Variants in WDR33 observed in about 807,000 individuals in gnomAD.
The protein encoded by WDR33 is WD repeat domain 33.
Under a neutral mutation model 164.9 loss-of-function variants are expected in WDR33, and 47 were observed. The observed-to-expected ratio is 0.29, with a 90% CI of 0.23 to 0.36. The LOEUF (loss-of-function observed/expected upper bound fraction) is 0.36. Among genes scored for constraint, WDR33 ranks in the 10% least tolerant of loss-of-function variants. The probability of loss-of-function intolerance (pLI) is 1.00; values close to 1 mark genes in which losing one functional copy is unlikely to be tolerated. For synonymous variants in WDR33, 505 were observed against 589.0 expected, an observed-to-expected ratio of 0.86 and a Z score of 2.06; for missense variants, 1,137 against 1,754.1, an observed-to-expected ratio of 0.65 and a Z score of 6.28.
intron 18 of WDR33, among the ~76,000 whole-genome samples, chr2:127,711,061 C>T (rs548483993): frequency 3.9e-4 from 60 of 152,340 alleles, no homozygotes; most frequent in Admixed American, 3.7e-3. Context: ...TATATAATCA[C>T]AATACCTTTA....
Position 127,735,735 on chromosome 2 carries a change from T to G in WDR33, c.725-8958A>C. ...CAGATACTCCAGTTGGACAGAGGAT[T>G]TAAGATTTTAAAAAATTAAGAAGCA... On this transcript the variant is annotated intron_variant, in intron 7 of 21. Coordinates refer to ENST00000322313, the MANE Select transcript of WDR33 (RefSeq NM_018383.5). This position sits in a 1 kb window ranked among gnomAD's most constrained non-coding sequence, Gnocchi z 4.3. 1 of 985,492 alleles carries G rather than the reference T, an allele frequency of 1.0e-6. No individual in the cohort carries two copies. The allele number at this position is 985,492 out of a possible 1,614,324, so 61.0% of individuals were successfully genotyped here.
chr2:127,719,400 A>C lies in WDR33; in HGVS notation c.2625T>G (p.Gly875=). 1.3e-6 allele frequency: 2 copies of C among 1,528,588 alleles called. No homozygotes were observed. The highest frequency in any genetic ancestry group is 1.8e-6 in the Non-Finnish European group (2 of 1,140,874). 94.7% of individuals were successfully genotyped at this position (1,528,588 alleles called of 1,614,324 possible). The part of the protein sequence containing the change: ...PQGSLGPPPQ[G]GMQGPPGPQG... The stretch of plus-strand genomic sequence containing the variant: ...GAGGTCCGGGGGGTCCTTGCATGCC[A>C]CCCTGGGGTGGAGGTCCTAAAGAGC... The change falls in exon 16 of 22, where the codon GGT becomes GGG. Residue 875 remains glycine, a synonymous_variant. Coordinates refer to ENST00000322313, the MANE Select transcript of WDR33 (RefSeq NM_018383.5). This position sits in a 1 kb window ranked among gnomAD's most constrained non-coding sequence, Gnocchi z 6.5.
intron 7 of WDR33, among the ~76,000 whole-genome samples, chr2:127,760,715 T>C (rs1178204460): frequency 2.0e-5 from 3 of 152,230 alleles, no homozygotes; most frequent in African/African-American, 7.2e-5. Flanking sequence ...AATATATTCA[T>C]GTCTCATATA....
chr2:127,756,450 A>G (rs1210039090), intron 7 of WDR33, among the ~76,000 whole-genome samples: 1 of 152,044 alleles, frequency 6.6e-6, no homozygotes, highest in African/African-American at 2.4e-5. Context: ...ATTATACCAC[A>G]TTTTAATCAT....
rs1686452450 is a variant in WDR33 at position 127,721,993 on chromosome 2, G to C, written c.1519-5C>G. 1.2e-6 allele frequency: 2 copies of C among 1,608,954 alleles called. No homozygotes were observed. The highest frequency in any genetic ancestry group is 4.5e-5 in the East Asian group (2 of 44,806). On this transcript the variant is annotated splice_region_variant and splice_polypyrimidine_tract_variant and intron_variant, in intron 14 of 21. Coordinates refer to ENST00000322313, the MANE Select transcript of WDR33 (RefSeq NM_018383.5). The surrounding 1 kb of genome is among the most constrained non-coding windows in gnomAD (Gnocchi z 4.9). The stretch of plus-strand genomic sequence containing the variant: ...AACTTTATTTTGCATCCAAGCCTTG[G>C]GAAAGAAGAGAATATTAAAATGTAC...
chr2:127,740,362 C>T (rs1389840206), intron 7 of WDR33, among the ~76,000 whole-genome samples: 1 of 151,492 alleles, frequency 6.6e-6, no homozygotes, highest in Non-Finnish European at 1.5e-5. Context: ...CACACACACA[C>T]ACACACACAC....
intron 7 of WDR33, among the ~76,000 whole-genome samples, chr2:127,730,493 G>A (rs560333494): frequency 6.6e-6 from 1 of 151,808 alleles, no homozygotes; most frequent in African/African-American, 2.4e-5. Flanking sequence ...GTAAAAGATG[G>A]CACTTAAAGT....
chr2:127,794,425 G>A (rs570593122), intron 1 of WDR33, among the ~76,000 whole-genome samples: 4 of 151,426 alleles, frequency 2.6e-5, no homozygotes, highest in Non-Finnish European at 4.4e-5. Context: ...ACTTGAACTT[G>A]GGGGGGCAGA....
rs1375261650 is a variant in WDR33 at position 127,711,778 on chromosome 2, A to ATT, written c.3308+1804_3308+1805insAA. ...TATATATATATATATATATATATAT[A>ATT]TATTTTTTTTTTGAGACAGAGTCTC... On this transcript the variant is annotated intron_variant, in intron 18 of 21. Coordinates refer to ENST00000322313, the MANE Select transcript of WDR33 (RefSeq NM_018383.5). Among the ~76,000 whole-genome samples, 27 of 93,036 alleles carry ATT rather than the reference A, an allele frequency of 2.9e-4. 1 individual carries two copies. The highest frequency in any genetic ancestry group is 8.7e-4 in the Admixed American group (8 of 9,168). 61.0% of individuals were successfully genotyped at this position (93,036 alleles called of 152,430 possible). A position where few individuals can be genotyped will look rare whatever the true frequency, so the allele number is the denominator to read the frequency against.
Position 127,737,537 on chromosome 2 carries a change from T to C in WDR33, c.725-10760A>G, listed in dbSNP as rs571370112. 7.3e-5 allele frequency: 72 copies of C among 986,488 alleles called. No homozygotes were observed. The African/African-American group carries it at 7.8e-4, about 11-fold the overall frequency. The allele number at this position is 986,488 out of a possible 1,614,324, so 61.1% of individuals were successfully genotyped here. ...AGAAAAAGAAAAGACATTCAAAAGA[T>C]TGATGGGAGTCTGGCACTAAATACC... On this transcript the variant is annotated intron_variant, in intron 7 of 21. Transcript: ENST00000322313.
intron 7 of WDR33, among the ~76,000 whole-genome samples, chr2:127,752,758 A>G (rs1286504561): frequency 6.6e-6 from 1 of 152,248 alleles, no homozygotes; most frequent in African/African-American, 2.4e-5. Context: ...TAAGATAACT[A>G]GGAAAATGTT....
intron 18 of WDR33, among the ~76,000 whole-genome samples, chr2:127,711,780 A>ATATATATATTTTTTTTTTTT: frequency 1.1e-5 from 1 of 88,320 alleles, no homozygotes; most frequent in African/African-American, 6.5e-5. Flanking sequence ...ATATATATAT[A>ATATATATATTTTTTTTTTTT]TTTTTTTTTT....
chr2:127,793,332 A>G (rs1039443947), intron 1 of WDR33, among the ~76,000 whole-genome samples: 41 of 151,124 alleles, frequency 2.7e-4, no homozygotes, highest in Admixed American at 2.4e-3. Context: ...TCGGGAGGCT[A>G]AGGCAGGAGA....
chr2:127,749,497 A>C (rs1687255586), intron 7 of WDR33, among the ~76,000 whole-genome samples: 1 of 151,918 alleles, frequency 6.6e-6, no homozygotes, highest in African/African-American at 2.4e-5. Flanking sequence ...CCCCGTCTCT[A>C]CTAAAAATAC....
At position 127,724,452 on chromosome 2, in the gene WDR33, G is replaced by A; in HGVS notation, c.1086-9C>T. On this transcript the variant is annotated splice_polypyrimidine_tract_variant and intron_variant, in intron 10 of 21. Transcript: ENST00000322313. This position sits in a 1 kb window ranked among gnomAD's most constrained non-coding sequence, Gnocchi z 4.8. ...CCACTTCCTTCTCTACCCTGCAACA[G>A]CACCAAAGAGAGAAGATTTGTTCAC... 6.2e-7 allele frequency: 1 copy of A among 1,609,118 alleles called. No individual in the cohort carries two copies. Among genetic ancestry groups the A allele is most frequent in the Non-Finnish European group, 8.5e-7 (1 of 1,176,214 alleles).
intron 1 of WDR33, among the ~76,000 whole-genome samples, chr2:127,799,438 A>G (rs1253275396): frequency 2.0e-5 from 3 of 152,176 alleles, no homozygotes; most frequent in Non-Finnish European, 4.4e-5. Context: ...TTAAAACTCA[A>G]TAATAACAAG....
Position 127,725,112 on chromosome 2 carries a change from T to G in WDR33, c.955A>C (p.Asn319His). The change falls in exon 9 of 22, where the codon AAC becomes CAC. Residue 319 changes from asparagine (N) to histidine (H), a missense_variant. By Grantham distance (68) the Asn-to-His change is moderately conservative. Transcript: ENST00000322313. The stretch of plus-strand genomic sequence containing the variant: ...AAGACTTGAAGCTCTTCTTTTAGGT[T>G]TCTGATATCAAAAAGTTTACAGAGA... ...DHLCKLFDIR[N>H]LKEELQVFRG... 1 of 1,613,764 alleles carries G rather than the reference T, an allele frequency of 6.2e-7. No homozygotes were observed. The highest frequency in any genetic ancestry group is 1.1e-5 in the South Asian group (1 of 90,876).
chr2:127,762,768 C>T (rs1479046977), intron 7 of WDR33: 1 of 1,140,512 alleles, frequency 8.8e-7, no homozygotes, highest in Non-Finnish European at 1.1e-6. Flanking sequence ...ACCCTGGCTA[C>T]AAGGAAGGAA....
Position 127,763,087 on chromosome 2 carries a change from A to T in WDR33, c.699T>A (p.Arg233=). ...CTCGGAGAATTCTTTCCTCATGGCA[A>T]CGAAGAAAGTCCCAGATTCTAACAG... ...DGTVRIWDFL[R]CHEERILRGH... The change falls in exon 7 of 22, where the codon CGT becomes CGA. Residue 233 remains arginine (R), a synonymous_variant. Coordinates refer to ENST00000322313, the MANE Select transcript of WDR33 (RefSeq NM_018383.5). This position sits in a 1 kb window ranked among gnomAD's most constrained non-coding sequence, Gnocchi z 4.5. The T allele has an allele frequency of 6.2e-7, 1 of 1,614,106 alleles. No homozygotes were observed. Among genetic ancestry groups the T allele is most frequent in the African/African-American group, 1.3e-5 (1 of 75,060 alleles).
Sources: gnomAD v4.1 joint callset for allele counts (sites outside exome capture counted in the v4.1 genomes callset) on GRCh38, gnomAD v4.1.1 for gene constraint, Gnocchi (gnomAD v3.1) non-coding constraint, MANE v1.5 for transcripts, NCBI Gene and HGNC (gene_info 2026-07-23, HGNC 2026-07-21) for gene names.